The following CDH12 variants were observed in gnomAD, a reference collection of about 807,000 sequenced individuals.
CDH12 encodes cadherin 12.
A neutral mutation model predicts 74.1 loss-of-function variants in CDH12; 41 were observed. The ratio of observed to expected loss-of-function variants is 0.55; its 90% CI spans 0.43 to 0.72. The LOEUF is 0.72. Ranked by LOEUF, CDH12 falls within the 30% of genes least tolerant of loss-of-function variation. The pLI, the probability that CDH12 is intolerant of heterozygous loss-of-function variation, is 0.00. For synonymous variants in CDH12, 399 were observed against 355.0 expected (o/e 1.12, Z -1.39); for missense variants, 945 against 977.2 (o/e 0.97, Z 0.44).
chr5:21,936,668 T>A (rs1212772277), intron 6 of CDH12, among the ~76,000 whole-genome samples: 2 of 152,186 alleles, frequency 1.3e-5, no homozygotes, highest in Non-Finnish European at 2.9e-5. Flanking sequence ...AAGATACATG[T>A]TATGATTTGG....
intron 1 of CDH12, among the ~76,000 whole-genome samples, chr5:22,728,122 T>A (rs1744253698): frequency 6.6e-6 from 1 of 151,862 alleles, no homozygotes; most frequent in Non-Finnish European, 1.5e-5. Context: ...TGCAATTTTT[T>A]ATCCTTTTAT....
At chr5:22,349,133 T>G (rs1452065461) in intron 3 of CDH12, among the ~76,000 whole-genome samples, 1 of 152,154 alleles carries the variant, frequency 6.6e-6, no homozygotes, top group Admixed American at 6.5e-5. Flanking sequence ...GCATCACCTA[T>G]AAGAAAATGA....
intron 1 of CDH12, among the ~76,000 whole-genome samples, chr5:22,660,120 A>G (rs1405013513): frequency 1.3e-5 from 2 of 152,238 alleles, no homozygotes; most frequent in East Asian, 3.8e-4. Context: ...AAAGCATTGA[A>G]AAGCATGGAG....
At chr5:21,887,627 T>C (rs1469268814) in intron 6 of CDH12, among the ~76,000 whole-genome samples, 1 of 152,200 alleles carries the variant, frequency 6.6e-6, no homozygotes, top group Non-Finnish European at 1.5e-5. Flanking sequence ...CAATTGAACA[T>C]ACCCCCTTCT....
chr5:22,466,127 CT>C (rs1745718858), intron 2 of CDH12, among the ~76,000 whole-genome samples: 1 of 152,134 alleles, frequency 6.6e-6, no homozygotes, highest in Non-Finnish European at 1.5e-5. Context: ...TGATCTTTTT[CT>C]TGCTTTAGGG....
intron 4 of CDH12, among the ~76,000 whole-genome samples, chr5:22,112,207 A>T (rs1744855643): frequency 6.6e-6 from 1 of 152,124 alleles, no homozygotes; most frequent in Non-Finnish European, 1.5e-5. Flanking sequence ...ACTTTTTCTA[A>T]AAAGCACTCT....
intron 3 of CDH12, among the ~76,000 whole-genome samples, chr5:22,281,144 G>A (rs914418638): frequency 6.6e-6 from 1 of 152,238 alleles, no homozygotes; most frequent in Non-Finnish European, 1.5e-5. Flanking sequence ...TTCAATAGAT[G>A]CAGAAAAGGC....
intron 3 of CDH12, among the ~76,000 whole-genome samples, chr5:22,265,464 C>T (rs1034712070): frequency 3.3e-5 from 5 of 152,110 alleles, no homozygotes; most frequent in African/African-American, 1.2e-4. Context: ...TATAATTCAG[C>T]TTTCTGTTTA....
chr5:22,501,612 T>C (rs1266410885), intron 2 of CDH12, among the ~76,000 whole-genome samples: 1 of 152,090 alleles, frequency 6.6e-6, no homozygotes, highest in Non-Finnish European at 1.5e-5. Flanking sequence ...CCTTTGACAA[T>C]TACCAAAATT....
At chr5:21,938,657 T>C (rs1248730524) in intron 6 of CDH12, among the ~76,000 whole-genome samples, 1 of 147,568 alleles carries the variant, frequency 6.8e-6, no homozygotes, top group East Asian at 2.0e-4. Flanking sequence ...TGTTGTTGAG[T>C]TACTTGCTAA....
chr5:21,912,310 C>G (rs1420753730), intron 6 of CDH12, among the ~76,000 whole-genome samples: 1 of 145,218 alleles, frequency 6.9e-6, no homozygotes, highest in Non-Finnish European at 1.5e-5. Context: ...TGTTAAGCAA[C>G]TTTTTTTTTT....
intron 1 of CDH12, among the ~76,000 whole-genome samples, chr5:22,521,072 T>G (rs1301026464): frequency 1.3e-5 from 2 of 151,666 alleles, no homozygotes; most frequent in Non-Finnish European, 2.9e-5. Context: ...GGAGAGGAGA[T>G]GCTGTATTTC....
chr5:22,822,403 G>C (rs1372380089), intron 1 of CDH12, among the ~76,000 whole-genome samples: 1 of 152,000 alleles, frequency 6.6e-6, no homozygotes, highest in Non-Finnish European at 1.5e-5. Context: ...AAACTAAAGA[G>C]CTTCTGCACA....
chr5:22,336,640 C>T (rs1739596756), intron 3 of CDH12, among the ~76,000 whole-genome samples: 1 of 152,186 alleles, frequency 6.6e-6, no homozygotes, highest in Non-Finnish European at 1.5e-5. Flanking sequence ...TGGTGTTGAG[C>T]CTGCCAGTGC....
chr5:22,696,392 T>A (rs1032061361), intron 1 of CDH12, among the ~76,000 whole-genome samples: 83 of 124,118 alleles, frequency 6.7e-4, no homozygotes, highest in East Asian at 1.6e-3. Context: ...AAAAAAAAAA[T>A]TTTCTTTTAT....
At chr5:22,756,512 CA>C (rs560495593) in intron 1 of CDH12, among the ~76,000 whole-genome samples, 21 of 152,056 alleles carry the variant, frequency 1.4e-4, no homozygotes, top group Non-Finnish European at 2.9e-4. Context: ...GAGAATATTT[CA>C]AAAGACTTAT....
intron 4 of CDH12, among the ~76,000 whole-genome samples, chr5:22,186,976 G>T (rs578209082): frequency 2.9e-4 from 44 of 152,128 alleles, no homozygotes; most frequent in South Asian, 1.7e-3. Context: ...CAGTTTTAGG[G>T]ATTGAACCTA....
intron 5 of CDH12, among the ~76,000 whole-genome samples, chr5:22,053,522 C>A (rs1395570312): frequency 1.3e-5 from 2 of 151,886 alleles, no homozygotes; most frequent in African/African-American, 4.8e-5. Flanking sequence ...ACGGTGGCTG[C>A]CATTCTGGCT....
rs1252283280 is a variant in CDH12, at chr5:22,145,509, G to A, written c.-186-66647C>T. 3.8e-4 allele frequency among the ~76,000 whole-genome samples: 58 copies of A among 151,972 alleles called. 1 individual carries two copies. Among genetic ancestry groups the A allele is most frequent in the Non-Finnish European group, 1.3e-4 (9 of 67,950 alleles). ...GACTCTCCACAAATAAAACTCTAAG[G>A]CAGTTTTTCCCATTGTGATGCTTTT... On this transcript the variant is annotated intron_variant, in intron 4 of 14. Transcript: ENST00000382254.
Sources: gnomAD v4.1 joint callset for allele counts (sites outside exome capture counted in the v4.1 genomes callset) on GRCh38, gnomAD v4.1.1 for gene constraint, MANE v1.5 for transcripts, NCBI Gene and HGNC (gene_info 2026-07-23, HGNC 2026-07-21) for gene names.